Variants in CTNND2 observed in about 807,000 individuals in gnomAD.
CTNND2 encodes the protein catenin delta-2.
Under a neutral mutation model 144.4 loss-of-function variants are expected in CTNND2, and 22 were observed. That is an observed-to-expected ratio of 0.15 (90% confidence interval 0.11 to 0.22). CTNND2 has a LOEUF of 0.22. Among genes scored for constraint, CTNND2 ranks in the 10% least tolerant of loss-of-function variants. CTNND2 has a pLI of 1.00. For missense variants in CTNND2, 1,353 were observed against 1,618.8 expected (o/e 0.84, Z 2.82); for synonymous variants, 751 against 695.6 (o/e 1.08, Z -1.25).
At chr5:11,795,803 G>A (rs780059812) in intron 1 of CTNND2, among the ~76,000 whole-genome samples, 1 of 152,234 alleles carries the variant, frequency 6.6e-6, no homozygotes, top group African/African-American at 2.4e-5. Context: ...GGTTTCTATT[G>A]TTGGTGGAGA....
At chr5:11,086,206 G>A (rs1162294572) in intron 15 of CTNND2, among the ~76,000 whole-genome samples, 1 of 152,136 alleles carries the variant, frequency 6.6e-6, no homozygotes, top group Non-Finnish European at 1.5e-5. Context: ...AGAGGAGGTG[G>A]TTGGATTTCA....
At chr5:11,678,557 A>ATG (rs2126620583) in intron 2 of CTNND2, among the ~76,000 whole-genome samples, 1 of 152,302 alleles carries the variant, frequency 6.6e-6, no homozygotes, top group East Asian at 1.9e-4. Context: ...AGGAAATTAA[A>ATG]TGTTATTAAG....
intron 3 of CTNND2, among the ~76,000 whole-genome samples, chr5:11,461,543 C>A (rs764638162): frequency 6.6e-6 from 1 of 152,062 alleles, no homozygotes; most frequent in Non-Finnish European, 1.5e-5. Context: ...GGTGGTCTAA[C>A]GCCAGAGACC....
At chr5:11,802,221 GA>G in intron 1 of CTNND2, among the ~76,000 whole-genome samples, 1 of 151,470 alleles carries the variant, frequency 6.6e-6, no homozygotes, top group Middle Eastern at 3.5e-3. Context: ...GCAGTGAGCT[GA>G]GATCGCACCA....
chr5:11,579,507 A>T (rs767131113), intron 2 of CTNND2, among the ~76,000 whole-genome samples: 35 of 152,180 alleles, frequency 2.3e-4, no homozygotes, highest in Non-Finnish European at 4.4e-4. Context: ...ATTATGTGAG[A>T]CCACAGGGGA....
rs1166186250 is a variant in CTNND2 at position 11,837,548 on chromosome 5, C to CA, written c.37+66268dup. On this transcript the variant is annotated intron_variant, in intron 1 of 21. Transcript: ENST00000304623. ...TCTCGAATCTCCATTCGTAGCTGGA[C>CA]AATCACACCACTGCCCTAGCTACTG... Among the ~76,000 whole-genome samples, 7 of 152,300 alleles carry CA rather than the reference C, an allele frequency of 4.6e-5. No individual in the cohort carries two copies. The East Asian group carries it at 1.3e-3, about 29-fold the overall frequency.
Position 11,592,128 on chromosome 5 carries a change from TTTCCTGCC to T in CTNND2, c.175-27080_175-27073del, listed in dbSNP as rs1221933675. On this transcript the variant is annotated intron_variant, in intron 2 of 21. Coordinates refer to ENST00000304623, the MANE Select transcript of CTNND2 (RefSeq NM_001332.4). ...CCTATCTACCTTCCTTCCTTCCTTC[TTTCCTGCC>T]TTCCTGCCTTCCTGCCTTCCTGCCT... Among the ~76,000 whole-genome samples the T allele has an allele frequency of 3.7e-3, 497 of 135,694 alleles. 5 individuals are homozygous for T. The highest frequency in any genetic ancestry group is 0.014 in the African/African-American group (468 of 34,136). The allele number at this position is 135,694 out of a possible 152,430, so 89.0% of individuals were successfully genotyped here. A position where few individuals can be genotyped will look rare whatever the true frequency, so the allele number is the denominator to read the frequency against.
intron 3 of CTNND2, among the ~76,000 whole-genome samples, chr5:11,419,333 CTTAG>C (rs926062378): frequency 2.6e-5 from 4 of 152,034 alleles, no homozygotes; most frequent in African/African-American, 9.7e-5. Flanking sequence ...TAGAAATATG[CTTAG>C]TTAAATGTTT....
chr5:11,241,488 G>C (rs934637782), intron 9 of CTNND2, among the ~76,000 whole-genome samples: 9 of 152,216 alleles, frequency 5.9e-5, no homozygotes, highest in Non-Finnish European at 1.0e-4. Context: ...TCTCCAGGCA[G>C]TTGACTTCTG....
In CTNND2 at chr5:11,641,735, T is replaced by TGTAC. The variant is rs1197755160; in HGVS notation, c.175-76680_175-76679insGTAC. On this transcript the variant is annotated intron_variant, in intron 2 of 21. Transcript: ENST00000304623. ...GTGTGTATACATATACGTGTGTGTA[T>TGTAC]ATACATATACGTGTGTATGTACATA... 5.0e-3 allele frequency among the ~76,000 whole-genome samples: 117 copies of TGTAC among 23,474 alleles called. 3 individuals carry two copies. Among genetic ancestry groups the TGTAC allele is most frequent in the East Asian group, 0.016 (55 of 3,424 alleles). 15.4% of individuals were successfully genotyped at this position (23,474 alleles called of 152,430 possible).
chr5:11,476,447 A>G (rs927950468), intron 3 of CTNND2, among the ~76,000 whole-genome samples: 2 of 152,216 alleles, frequency 1.3e-5, no homozygotes, highest in South Asian at 4.1e-4. Context: ...ATGGAGGTCC[A>G]GATGGCTTAG....
At chr5:11,149,008 A>G (rs1029942230) in intron 12 of CTNND2, among the ~76,000 whole-genome samples, 6 of 152,220 alleles carry the variant, frequency 3.9e-5, no homozygotes, top group African/African-American at 1.4e-4. Context: ...AGAAATCAGT[A>G]AAGTTCCTTT....
intron 20 of CTNND2, chr5:10,986,580 T>C: frequency 4.4e-6 from 2 of 453,476 alleles, no homozygotes; most frequent in Non-Finnish European, 8.8e-6. Flanking sequence ...CAGCTTTCTT[T>C]GTTCCTGTTC....
intron 2 of CTNND2, among the ~76,000 whole-genome samples, chr5:11,642,254 C>T (rs1782104769): frequency 6.6e-6 from 1 of 152,132 alleles, no homozygotes; most frequent in Non-Finnish European, 1.5e-5. Context: ...ATAAAGATCC[C>T]TGTCCTTGTG....
chr5:11,114,971 C>A (rs1753399645), intron 13 of CTNND2, among the ~76,000 whole-genome samples: 1 of 151,696 alleles, frequency 6.6e-6, no homozygotes, highest in Non-Finnish European at 1.5e-5. Flanking sequence ...CTTTCAACAG[C>A]CTTGGCATTC....
chr5:11,242,711 A>AG (rs1465294808), intron 9 of CTNND2, among the ~76,000 whole-genome samples: 1 of 152,204 alleles, frequency 6.6e-6, no homozygotes, highest in Non-Finnish European at 1.5e-5. Flanking sequence ...TTGTTGAGCA[A>AG]GGATGTTGTA....
intron 4 of CTNND2, 130 bp from the exon 5 acceptor site, chr5:11,411,782 C>T (rs2149838064): frequency 2.8e-6 from 2 of 725,296 alleles, no homozygotes; most frequent in East Asian, 5.4e-5. Context: ...ATTAGCTATT[C>T]CATTTTAATT....
At chr5:11,382,154 C>A (rs1394508808) in intron 7 of CTNND2, among the ~76,000 whole-genome samples, 1 of 152,170 alleles carries the variant, frequency 6.6e-6, no homozygotes, top group African/African-American at 2.4e-5. Context: ...ATTAAAAAGT[C>A]TCTTCCTAAT....
intron 11 of CTNND2, among the ~76,000 whole-genome samples, chr5:11,170,971 C>T (rs1036688971): frequency 5.0e-4 from 76 of 152,164 alleles, no homozygotes; most frequent in African/African-American, 1.8e-3. Flanking sequence ...GACTTATTCA[C>T]TATCATGAGA....
Sources: gnomAD v4.1 joint callset for allele counts (sites outside exome capture counted in the v4.1 genomes callset) on GRCh38, gnomAD v4.1.1 for gene constraint, MANE v1.5 for transcripts, NCBI Gene and HGNC (gene_info 2026-07-23, HGNC 2026-07-21) for gene names.